The following SNAPC3 variants were observed in gnomAD, a reference collection of about 807,000 sequenced individuals.
SNAPC3 encodes the protein small nuclear RNA activating complex polypeptide 3.
In SNAPC3, 56 loss-of-function variants were observed where a neutral mutation model predicts 47.7. The ratio of observed to expected loss-of-function variants is 1.18; its 90% CI spans 0.95 to 1.47. SNAPC3 has a LOEUF of 1.47. Ranked by LOEUF, SNAPC3 falls within the 40% of genes most tolerant of loss-of-function variation. SNAPC3 has a pLI of 0.00. For synonymous variants in SNAPC3, 235 were observed against 189.9 expected (o/e 1.24, Z -1.95); for missense variants, 665 against 511.3 (o/e 1.30, Z -2.90).
chr9:15,446,679 T>C (rs1349308420), intron 4 of SNAPC3, among the ~76,000 whole-genome samples: 1 of 152,128 alleles, frequency 6.6e-6, no homozygotes, highest in East Asian at 1.9e-4. Flanking sequence ...GGGGAAGGCA[T>C]AGACCACAGT....
At chr9:15,435,651 C>T (rs1196379050) in intron 3 of SNAPC3, among the ~76,000 whole-genome samples, 1 of 151,198 alleles carries the variant, frequency 6.6e-6, no homozygotes. Flanking sequence ...ATCACTAGAA[C>T]CCAGGAGGTG....
chr9:15,449,553 ATATATATATATTTTTTT>A (rs1444701802), intron 5 of SNAPC3, among the ~76,000 whole-genome samples: 284 of 37,514 alleles, frequency 7.6e-3, no homozygotes, highest in African/African-American at 0.032. Flanking sequence ...ATATATATAT[ATATATATATATTTTTTT>A]TTTTTTTTTT....
At chr9:15,429,495 G>A (rs1030244178) in intron 2 of SNAPC3, among the ~76,000 whole-genome samples, 6 of 152,102 alleles carry the variant, frequency 3.9e-5, no homozygotes, top group African/African-American at 1.4e-4. Flanking sequence ...GAGAAAAATG[G>A]ATAATGTGTG....
chr9:15,454,742 G>A (rs560498341), intron 7 of SNAPC3, among the ~76,000 whole-genome samples: 1 of 152,118 alleles, frequency 6.6e-6, no homozygotes, highest in Non-Finnish European at 1.5e-5. Context: ...TCGAGACCAT[G>A]CTGGCTAACA....
chr9:15,456,017 G>T (rs933239479), intron 7 of SNAPC3, among the ~76,000 whole-genome samples: 1 of 152,170 alleles, frequency 6.6e-6, no homozygotes, highest in Non-Finnish European at 1.5e-5. Context: ...TGGGATTACA[G>T]GCATGCGCCA....
intron 6 of SNAPC3, among the ~76,000 whole-genome samples, chr9:15,451,972 A>T (rs1434052886): frequency 1.2e-3 from 9 of 7,746 alleles, no homozygotes; most frequent in Non-Finnish European, 5.3e-3. Flanking sequence ...GCCCTTTTTA[A>T]AAAAAAAAAA....
chr9:15,446,209 G>A (rs1047917808), intron 4 of SNAPC3, among the ~76,000 whole-genome samples: 4 of 152,130 alleles, frequency 2.6e-5, no homozygotes, highest in Admixed American at 6.6e-5. Flanking sequence ...TGTACCCATG[G>A]GATTTTTGTT....
chr9:15,436,933 C>T (rs2032869817), intron 3 of SNAPC3, among the ~76,000 whole-genome samples: 1 of 150,896 alleles, frequency 6.6e-6, no homozygotes, highest in Non-Finnish European at 1.5e-5. Flanking sequence ...GAGCGATTCT[C>T]CTGCCTCAGC....
At chr9:15,464,355 A>C (rs538081892), downstream of SNAPC3, 9 of 194,934 alleles carry the variant, frequency 4.6e-5, no homozygotes, top group African/African-American at 1.8e-4. Flanking sequence ...TCAAAACATG[A>C]GAAGTATCCT....
intron 7 of SNAPC3, among the ~76,000 whole-genome samples, chr9:15,457,063 T>C (rs375162882): frequency 6.6e-6 from 1 of 152,184 alleles, no homozygotes; most frequent in Non-Finnish European, 1.5e-5. Flanking sequence ...ATGGAGCTGA[T>C]TAGTGGCAGA....
At chr9:15,428,294 A>C (rs1378002314) in intron 2 of SNAPC3, among the ~76,000 whole-genome samples, 1 of 151,922 alleles carries the variant, frequency 6.6e-6, no homozygotes, top group Non-Finnish European at 1.5e-5. Context: ...TCAGGAAATA[A>C]CTGTTTATAC....
chr9:15,445,496 G>C (rs1461652677), intron 4 of SNAPC3, among the ~76,000 whole-genome samples: 1 of 152,096 alleles, frequency 6.6e-6, no homozygotes, highest in South Asian at 2.1e-4. Context: ...TCTTTCCTAG[G>C]CCAGAGTGTA....
intron 1 of SNAPC3, 78 bp from the exon 2 acceptor site, chr9:15,423,831 T>C (rs1217257737): frequency 1.3e-6 from 1 of 792,788 alleles, no homozygotes; most frequent in African/African-American, 1.8e-5. Context: ...CAGTAATGTA[T>C]TTAGGAAAAC....
intron 3 of SNAPC3, among the ~76,000 whole-genome samples, chr9:15,435,044 G>T (rs979196562): frequency 6.6e-6 from 1 of 152,064 alleles, no homozygotes; most frequent in African/African-American, 2.4e-5. Context: ...ATGCATGAAG[G>T]TTCCAATTTC....
At chr9:15,425,652 A>C (rs1006350900) in intron 2 of SNAPC3, among the ~76,000 whole-genome samples, 1 of 152,204 alleles carries the variant, frequency 6.6e-6, no homozygotes, top group Admixed American at 6.5e-5. Context: ...ATGAGAGTCC[A>C]AACTCCCATC....
chr9:15,423,033 C>T lies in SNAPC3; in HGVS notation c.154C>T (p.Arg52Trp), dbSNP rs1160906944. ...FHVGAFGELW[R>W]GRLRGAGDLS... The stretch of plus-strand genomic sequence containing the variant: ...TGTGGGCGCCTTTGGGGAGCTGTGG[C>T]GGGGCCGTCTGCGCGGGGCCGGGGA... The change falls in exon 1 of 9, where the codon CGG becomes TGG. Residue 52 changes from arginine (R) to tryptophan (W), a missense_variant. Arg to Trp is a moderately radical substitution (Grantham distance 101, BLOSUM62 -3). Transcript: ENST00000380821. 1.3e-6 allele frequency: 2 copies of T among 1,523,448 alleles called. No homozygotes were observed. Among genetic ancestry groups the T allele is most frequent in the South Asian group, 1.3e-5 (1 of 79,700 alleles). The allele number at this position is 1,523,448 out of a possible 1,614,324, so 94.4% of individuals were successfully genotyped here.
At chr9:15,457,931 T>TA in intron 7 of SNAPC3, 29 bp from the exon 8 acceptor site, 1 of 1,342,382 alleles carries the variant, frequency 7.4e-7, no homozygotes, top group Non-Finnish European at 1.0e-6. Context: ...TTTGTCACCT[T>TA]AATATCTTTA....
At chr9:15,452,592 A>T (rs1263621378) in intron 6 of SNAPC3, among the ~76,000 whole-genome samples, 1 of 152,222 alleles carries the variant, frequency 6.6e-6, no homozygotes, top group Non-Finnish European at 1.5e-5. Context: ...TGCTGGGATT[A>T]CAGGTGTGAG....
rs763869483 is a variant in SNAPC3, at chr9:15,451,454, G to C, written c.815+52G>C. ...GTCTTTCCTATTTCTAGTTATCAAAGTAGTGTTATCTCCACAAATCCTATT... is the reference window on the plus strand; with the variant it reads ...GTCTTTCCTATTTCTAGTTATCAAACTAGTGTTATCTCCACAAATCCTATT... On this transcript the variant is annotated intron_variant, in intron 6 of 8. Coordinates refer to ENST00000380821, the MANE Select transcript of SNAPC3 (RefSeq NM_001039697.2). 10 of 827,696 alleles carry C rather than the reference G, an allele frequency of 1.2e-5. No individual in the cohort carries two copies. The Admixed American group carries it at 2.1e-4, about 17-fold the overall frequency. 51.3% of individuals were successfully genotyped at this position (827,696 alleles called of 1,614,324 possible).
Sources: gnomAD v4.1 joint callset for allele counts (sites outside exome capture counted in the v4.1 genomes callset) on GRCh38, gnomAD v4.1.1 for gene constraint, MANE v1.5 for transcripts, NCBI Gene and HGNC (gene_info 2026-07-23, HGNC 2026-07-21) for gene names.